CLPB: variants seen among roughly 807,000 people sequenced by gnomAD.
The protein encoded by CLPB is ClpB family mitochondrial disaggregase.
CLPB carries 40 observed loss-of-function variants against 78.4 expected under a neutral mutation model. The ratio of observed to expected loss-of-function variants is 0.51; its 90% CI spans 0.40 to 0.66. The LOEUF is 0.66. CLPB is among the 30% of genes least tolerant of loss of function. The pLI is 0.00. For synonymous variants in CLPB, 333 were observed against 348.0 expected, an observed-to-expected ratio of 0.96 and a Z score of 0.48; for missense variants, 780 against 886.9, an observed-to-expected ratio of 0.88 and a Z score of 1.53.
At chr11:72,433,368 A>G (rs1856603137) in intron 1 of CLPB, among the ~76,000 whole-genome samples, 1 of 151,822 alleles carries the variant, frequency 6.6e-6, no homozygotes, top group African/African-American at 2.4e-5. Flanking sequence ...GACCATCCTG[A>G]CCAACAACTA....
At chr11:72,357,711 A>AAG (rs1051159642) in intron 5 of CLPB, among the ~76,000 whole-genome samples, 2 of 151,272 alleles carry the variant, frequency 1.3e-5, no homozygotes, top group African/African-American at 4.9e-5. Context: ...AAAAAAAAAA[A>AAG]AAAAAAAAAA....
chr11:72,293,935 G>T, intron 15 of CLPB, 87 bp downstream of exon 15: 1 of 1,155,838 alleles, frequency 8.7e-7, no homozygotes, highest in Non-Finnish European at 1.3e-6. Flanking sequence ...GCTATAGGGA[G>T]GCAGGCTGAG....
At chr11:72,361,389 G>A (rs1007511866) in intron 4 of CLPB, among the ~76,000 whole-genome samples, 5 of 152,172 alleles carry the variant, frequency 3.3e-5, no homozygotes, top group Non-Finnish European at 7.3e-5. Context: ...TTTCCCATAA[G>A]AGAGCCGTTT....
intron 3 of CLPB, among the ~76,000 whole-genome samples, chr11:72,398,012 T>C (rs1057149691): frequency 1.3e-5 from 2 of 152,208 alleles, no homozygotes; most frequent in African/African-American, 4.8e-5. Context: ...TAAGGAAAGC[T>C]ACATCTGGAG....
intron 3 of CLPB, among the ~76,000 whole-genome samples, chr11:72,396,209 G>C (rs1035494646): frequency 6.6e-6 from 1 of 152,108 alleles, no homozygotes; most frequent in Non-Finnish European, 1.5e-5. Flanking sequence ...GTTCCTCGGG[G>C]ACCCTGGCCA....
At chr11:72,370,962 TG>T (rs1951030404) in intron 4 of CLPB, among the ~76,000 whole-genome samples, 1 of 152,230 alleles carries the variant, frequency 6.6e-6, no homozygotes, top group African/African-American at 2.4e-5. Flanking sequence ...GCATCTTTAT[TG>T]CTCATTACTC....
chr11:72,318,803 G>A lies in CLPB; in HGVS notation c.874-1583C>T, dbSNP rs79297890. 7.8e-3 allele frequency among the ~76,000 whole-genome samples: 1,187 copies of A among 152,292 alleles called. 10 individuals are homozygous for A. The highest frequency in any genetic ancestry group is 0.028 in the African/African-American group (1,144 of 41,560). ...CAATCCCAGTGGAGTGACACTTGCC[G>A]GTTGGAATCCAGAGTGTCACTGTGC... is the stretch of plus-strand genomic sequence containing the variant. On this transcript the variant is annotated intron_variant, in intron 6 of 15. Coordinates refer to ENST00000538039, the MANE Select transcript of CLPB (RefSeq NM_001258392.3).
intron 6 of CLPB, among the ~76,000 whole-genome samples, chr11:72,326,356 G>C (rs1269820278): frequency 1.3e-5 from 2 of 152,086 alleles, no homozygotes; most frequent in African/African-American, 2.4e-5. Flanking sequence ...CTCCCTATCA[G>C]ACTATAGCTC....
rs1406038172 is a variant in CLPB at position 72,293,230 on chromosome 11, T to C, written c.*137A>G. On this transcript the variant is annotated 3_prime_UTR_variant, in exon 16 of 16. Coordinates refer to ENST00000538039, the MANE Select transcript of CLPB (RefSeq NM_001258392.3). Reference sequence around the variant, plus strand: ...TTTTGGGGCTGAGAAGGGGTCTTCATGGGCTGTGAGGAGGTAAGCAGGCCT... The same window carrying C: ...TTTTGGGGCTGAGAAGGGGTCTTCACGGGCTGTGAGGAGGTAAGCAGGCCT... 5 of 1,104,844 alleles carry C rather than the reference T, an allele frequency of 4.5e-6. No individual in the cohort carries two copies. Among genetic ancestry groups the C allele is most frequent in the Admixed American group, 2.6e-5 (1 of 39,086 alleles). 68.4% of individuals were successfully genotyped at this position (1,104,844 alleles called of 1,614,324 possible). A position where few individuals can be genotyped will look rare whatever the true frequency, so the allele number is the denominator to read the frequency against.
At chr11:72,410,908 G>GT (rs1010733390) in intron 2 of CLPB, 1 of 152,004 alleles carries the variant, frequency 6.6e-6, no homozygotes, top group Non-Finnish European at 1.5e-5. Flanking sequence ...AAGTTGTGCT[G>GT]TTTTTATAAC....
In CLPB at chr11:72,286,897, T is replaced by C. The variant is rs1399687854; in HGVS notation, c.*6470A>G. 2 of 152,098 alleles carry C rather than the reference T, an allele frequency of 1.3e-5. No homozygotes were observed. The highest frequency in any genetic ancestry group is 4.8e-5 in the African/African-American group (2 of 41,424). The allele number at this position is 152,098 out of a possible 1,614,324, so 9.4% of individuals were successfully genotyped here. On this transcript the variant is annotated 3_prime_UTR_variant, in exon 16 of 16. Coordinates refer to ENST00000538039, the MANE Select transcript of CLPB (RefSeq NM_001258392.3). ...CTTTAACCTCTAAATACTTACATTTTCTGAAAACAAGGACGTTCTCTTCTG... is the reference window on the plus strand; with the variant it reads ...CTTTAACCTCTAAATACTTACATTTCCTGAAAACAAGGACGTTCTCTTCTG...
At chr11:72,296,655 T>C (rs1418586282) in intron 11 of CLPB, among the ~76,000 whole-genome samples, 1 of 152,194 alleles carries the variant, frequency 6.6e-6, no homozygotes, top group African/African-American at 2.4e-5. Context: ...GACTTCTACT[T>C]TCATCACAGA....
intron 7 of CLPB, among the ~76,000 whole-genome samples, chr11:72,308,880 G>A (rs184891508): frequency 9.1e-4 from 138 of 152,306 alleles, no homozygotes; most frequent in Admixed American, 2.0e-3. Context: ...ACTGAAAGGC[G>A]GGTGGATGGT....
At chr11:72,427,112 T>C (rs77372056) in intron 2 of CLPB, among the ~76,000 whole-genome samples, 15,343 of 152,248 alleles carry the variant, frequency 0.1, 1,346 homozygotes, top group African/African-American at 0.24. Context: ...GGGCCATCTG[T>C]GGAGGACCCA....
intron 4 of CLPB, among the ~76,000 whole-genome samples, chr11:72,373,824 G>T (rs1172385605): frequency 6.6e-6 from 1 of 151,972 alleles, no homozygotes; most frequent in Admixed American, 6.6e-5. Context: ...AGCCGGGCGT[G>T]GTGGTGGCGC....
At chr11:72,363,122 C>G (rs1435411280) in intron 4 of CLPB, among the ~76,000 whole-genome samples, 1 of 151,254 alleles carries the variant, frequency 6.6e-6, no homozygotes, top group African/African-American at 2.4e-5. Flanking sequence ...CGCCACTGCA[C>G]TCCAGCCTGG....
At chr11:72,343,239 T>C (rs571238676) in intron 5 of CLPB, among the ~76,000 whole-genome samples, 32 of 152,290 alleles carry the variant, frequency 2.1e-4, no homozygotes, top group Admixed American at 8.5e-4. Flanking sequence ...TCAAGGAAGA[T>C]AGGAAGCCTT....
chr11:72,433,346 T>C (rs1048524210), intron 1 of CLPB, among the ~76,000 whole-genome samples: 3 of 151,560 alleles, frequency 2.0e-5, no homozygotes, highest in African/African-American at 7.3e-5. Flanking sequence ...GATCAGGAGG[T>C]CAAGAGATCG....
intron 5 of CLPB, among the ~76,000 whole-genome samples, chr11:72,344,980 A>T (rs990977908): frequency 6.6e-6 from 1 of 152,186 alleles, no homozygotes; most frequent in Admixed American, 6.5e-5. Flanking sequence ...TTACAATGAG[A>T]TACTATGTCT....
Sources: allele counts gnomAD v4.1 joint callset (sites outside exome capture counted in the v4.1 genomes callset), GRCh38; gene constraint gnomAD v4.1.1; transcripts MANE v1.5; gene names NCBI Gene and HGNC (gene_info 2026-07-23, HGNC 2026-07-21).